URI1: variants seen among roughly 807,000 people sequenced by gnomAD.
URI1 encodes URI1 prefoldin like chaperone, also known as unconventional prefoldin RPB5 interactor 1.
Under a neutral mutation model 60.2 loss-of-function variants are expected in URI1, and 39 were observed. The ratio of observed to expected loss-of-function variants is 0.65; its 90% CI spans 0.50 to 0.85. The LOEUF (loss-of-function observed/expected upper bound fraction) is 0.85. URI1 is among the 40% of genes least tolerant of loss of function. The pLI, the probability that URI1 is intolerant of heterozygous loss-of-function variation, is 0.00. For synonymous variants in URI1, 251 were observed against 236.8 expected, an observed-to-expected ratio of 1.06 and a Z score of -0.55; for missense variants, 691 against 665.9, an observed-to-expected ratio of 1.04 and a Z score of -0.42.
rs2056086521 is a variant in URI1, at chr19:30,016,433, A to T, written c.*1364A>T. The T allele has an allele frequency of 6.6e-6, 1 of 152,144 alleles. No homozygotes were observed. The highest frequency in any genetic ancestry group is 6.5e-5 in the Admixed American group (1 of 15,272). 9.4% of individuals were successfully genotyped at this position (152,144 alleles called of 1,614,324 possible). On this transcript the variant is annotated 3_prime_UTR_variant, in exon 11 of 11. Coordinates refer to ENST00000392271, the MANE Select transcript of URI1 (RefSeq NM_003796.3). Reference sequence around the variant, plus strand: ...TTCAGTCCATGCCCCAACCCTCACCAAAACCAAAGCAGAAATTACACACAC... The same window carrying T: ...TTCAGTCCATGCCCCAACCCTCACCTAAACCAAAGCAGAAATTACACACAC...
intron 10 of URI1, chr19:30,012,809 A>G (rs2056040075): frequency 2.6e-5 from 7 of 271,222 alleles, no homozygotes; most frequent in South Asian, 2.0e-4. Flanking sequence ...GTAGCTAGGA[A>G]ATTATTTCGC....
At chr19:29,948,968 C>A (rs1258361812) in intron 1 of URI1, among the ~76,000 whole-genome samples, 1 of 149,718 alleles carries the variant, frequency 6.7e-6, no homozygotes, top group Non-Finnish European at 1.5e-5. Flanking sequence ...GGCGGAGGCG[C>A]CCCCCACCTC....
At chr19:29,975,115 G>A (rs1295091229) in intron 2 of URI1, among the ~76,000 whole-genome samples, 1 of 151,962 alleles carries the variant, frequency 6.6e-6, no homozygotes, top group Non-Finnish European at 1.5e-5. Context: ...GGATTGCTGG[G>A]TTGAATGGTT....
At chr19:30,012,215 A>C (rs1599728991) in intron 9 of URI1, 70 bp from the exon 10 acceptor site, 2 of 1,492,800 alleles carry the variant, frequency 1.3e-6, no homozygotes, top group African/African-American at 2.8e-5. Context: ...ATTCAAGGAA[A>C]TTTTCAAAAA....
chr19:29,949,848 G>A (rs955244645), intron 1 of URI1, among the ~76,000 whole-genome samples: 1 of 152,058 alleles, frequency 6.6e-6, no homozygotes, highest in African/African-American at 2.4e-5. Context: ...GCAGTGAGCC[G>A]AGATGGCGGC....
intron 1 of URI1, among the ~76,000 whole-genome samples, chr19:29,937,072 T>G (rs558666540): frequency 9.2e-4 from 140 of 152,282 alleles, no homozygotes; most frequent in Non-Finnish European, 1.7e-3. Context: ...TATTTATTTT[T>G]CTCTCTTTAC....
intron 3 of URI1, among the ~76,000 whole-genome samples, 178 bp downstream of exon 3, chr19:29,985,479 CT>C (rs200591371): frequency 3.3e-5 from 5 of 150,306 alleles, no homozygotes; most frequent in Admixed American, 6.7e-5. Context: ...TGGTATTTAC[CT>C]TTTTTTTTCA....
At chr19:29,958,607 T>C (rs1461690953) in intron 1 of URI1, among the ~76,000 whole-genome samples, 2 of 152,242 alleles carry the variant, frequency 1.3e-5, no homozygotes, top group Non-Finnish European at 1.5e-5. Context: ...AGGTATTTTG[T>C]TCTGTTACAT....
chr19:29,985,816 A>G (rs1240570011), intron 3 of URI1, among the ~76,000 whole-genome samples: 1 of 152,196 alleles, frequency 6.6e-6, no homozygotes. Flanking sequence ...ATACTAGTCC[A>G]AGTATTTTGT....
At chr19:29,969,974 A>G (rs952361073) in intron 1 of URI1, among the ~76,000 whole-genome samples, 1 of 151,930 alleles carries the variant, frequency 6.6e-6, no homozygotes. Flanking sequence ...ATGCTGAGTT[A>G]ATGTGTAGTA....
At chr19:29,991,133 G>A (rs577042158) in intron 4 of URI1, among the ~76,000 whole-genome samples, 1 of 152,034 alleles carries the variant, frequency 6.6e-6, no homozygotes, top group Admixed American at 6.6e-5. Flanking sequence ...ACTCGCTTAT[G>A]TTTACAAAAA....
rs915823344 is a variant in URI1, at chr19:29,942,481, C to G, written c.-67C>G. On this transcript the variant is annotated 5_prime_UTR_variant, in exon 1 of 11. Transcript: ENST00000392271. ...GGGCGCGCGGGCGCTGGGCAACTGC[C>G]GGCCGCGCCGCCTGCGCAGGCGCTG... 9.1e-7 allele frequency: 1 copy of G among 1,102,850 alleles called. No individual in the cohort carries two copies. The highest frequency in any genetic ancestry group is 1.1e-6 in the Non-Finnish European group (1 of 905,194). 68.3% of individuals were successfully genotyped at this position (1,102,850 alleles called of 1,614,324 possible).
intron 1 of URI1, among the ~76,000 whole-genome samples, chr19:29,962,885 A>G (rs1031245892): frequency 3.9e-5 from 6 of 152,002 alleles, no homozygotes; most frequent in Non-Finnish European, 8.8e-5. Flanking sequence ...GTATGTCACT[A>G]TAGATTTTCA....
At chr19:29,943,900 A>G (rs2055064039) in intron 1 of URI1, among the ~76,000 whole-genome samples, 2 of 151,574 alleles carry the variant, frequency 1.3e-5, no homozygotes, top group Admixed American at 6.6e-5. Context: ...TTGGGATGTC[A>G]AGGTCGTGGA....
chr19:29,951,192 T>G (rs764132753), intron 1 of URI1, among the ~76,000 whole-genome samples: 1 of 152,204 alleles, frequency 6.6e-6, no homozygotes, highest in Non-Finnish European at 1.5e-5. Context: ...GTCCCATTAT[T>G]AGTGTTGCTA....
intron 1 of URI1, among the ~76,000 whole-genome samples, chr19:29,927,560 CTTTTTTTTTTT>C (rs3049080): frequency 2.5e-5 from 1 of 39,802 alleles, no homozygotes; most frequent in African/African-American, 1.3e-4. Flanking sequence ...CTGCACCCGG[CTTTTTTTTTTT>C]TTTTTTTTTT....
chr19:29,989,231 C>T (rs952885748), intron 4 of URI1, among the ~76,000 whole-genome samples: 3 of 151,108 alleles, frequency 2.0e-5, no homozygotes, highest in African/African-American at 7.3e-5. Context: ...CTGCCTCAGC[C>T]TCCTGAGTAG....
At chr19:29,946,251 T>G (rs2145235233) in intron 1 of URI1, among the ~76,000 whole-genome samples, 1 of 152,346 alleles carries the variant, frequency 6.6e-6, no homozygotes, top group African/African-American at 2.4e-5. Flanking sequence ...ATGTGTGGTC[T>G]AGGACTGTTG....
At chr19:29,944,214 C>G (rs1370709503) in intron 1 of URI1, among the ~76,000 whole-genome samples, 1 of 109,810 alleles carries the variant, frequency 9.1e-6, no homozygotes, top group African/African-American at 3.4e-5. Context: ...AGTTTGGCGT[C>G]TTTAAATTAG....
Sources: gnomAD v4.1 joint callset for allele counts (sites outside exome capture counted in the v4.1 genomes callset) on GRCh38, gnomAD v4.1.1 for gene constraint, MANE v1.5 for transcripts, NCBI Gene and HGNC (gene_info 2026-07-23, HGNC 2026-07-21) for gene names.